The following TAS1R2 variants were observed in gnomAD, a reference collection of about 807,000 sequenced individuals.
TAS1R2 encodes taste receptor type 1 member 2.
Under a neutral mutation model 49.3 loss-of-function variants are expected in TAS1R2, and 47 were observed. That is an observed-to-expected ratio of 0.95 (90% CI 0.75 to 1.22). The LOEUF (loss-of-function observed/expected upper bound fraction) is 1.22. Among genes scored for constraint, TAS1R2 ranks in the 50% most tolerant of loss-of-function variants. The probability of loss-of-function intolerance (pLI) is 0.00; values close to 1 mark genes in which losing one functional copy is unlikely to be tolerated. For synonymous variants in TAS1R2, 479 were observed against 467.9 expected (o/e 1.02, Z -0.31); for missense variants, 1,155 against 1,122.1 (o/e 1.03, Z -0.42).
At chr1:18,855,997 T>G (rs1934132135) in intron 2 of TAS1R2, among the ~76,000 whole-genome samples, 1 of 152,174 alleles carries the variant, frequency 6.6e-6, no homozygotes, top group African/African-American at 2.4e-5. Context: ...ACCTTTCCCC[T>G]ATAGTCTATG....
intron 3 of TAS1R2, among the ~76,000 whole-genome samples, chr1:18,853,317 C>T (rs775197300): frequency 4.6e-5 from 7 of 152,176 alleles, no homozygotes; most frequent in Non-Finnish European, 8.8e-5. Flanking sequence ...TGTAACAGGA[C>T]ATACAGCAAT....
intron 2 of TAS1R2, 138 bp downstream of exon 2, chr1:18,857,193 T>C (rs1007896351): frequency 1.0e-6 from 1 of 977,340 alleles, no homozygotes; most frequent in Admixed American, 2.8e-5. Context: ...TTCTCAAGAT[T>C]TGGGCTGATG....
chr1:18,845,671 G>A (rs1319733462), intron 4 of TAS1R2, among the ~76,000 whole-genome samples: 2 of 152,224 alleles, frequency 1.3e-5, no homozygotes, highest in Non-Finnish European at 2.9e-5. Flanking sequence ...AGCTGAGGTG[G>A]TTGCTACACA....
At position 18,849,699 on chromosome 1, in the gene TAS1R2, T is replaced by G. The variant is rs28701515; in HGVS notation, c.1258-149A>C. 84 of 893,882 alleles carry G rather than the reference T, an allele frequency of 9.4e-5. No homozygotes were observed. The African/African-American group carries it at 1.1e-3, about 12-fold the overall frequency. 55.4% of individuals were successfully genotyped at this position (893,882 alleles called of 1,614,324 possible). A position where few individuals can be genotyped will look rare whatever the true frequency, so the allele number is the denominator to read the frequency against. On this transcript the variant is annotated intron_variant, in intron 3 of 5. Transcript: ENST00000375371. ...AATAAATCTCCGAAAGGGTGGCAAT[T>G]TAGGAGTCAGTGGCTGAGAGCTCTG...
In TAS1R2 at chr1:18,854,945, C is replaced by G; in HGVS notation, c.525G>C (p.Val175=). 4 of 1,607,540 alleles carry G rather than the reference C, an allele frequency of 2.5e-6. No homozygotes were observed. Among genetic ancestry groups the G allele is most frequent in the Non-Finnish European group, 3.4e-6 (4 of 1,174,528 alleles). The change falls in exon 3 of 6, where the codon GTG becomes GTC. Residue 175 remains valine, a synonymous_variant. Transcript: ENST00000375371. This position sits in a 1 kb window ranked among gnomAD's most constrained non-coding sequence, Gnocchi z 4.9. Reference sequence around the variant, plus strand: ...TGGTACGCAGCAAAGCCGGGAAGCGCACCTTGTCTCGCAGCTCATCGCTGA... The same window carrying G: ...TGGTACGCAGCAAAGCCGGGAAGCGGACCTTGTCTCGCAGCTCATCGCTGA...
At chr1:18,843,273 G>C (rs1933859213) in intron 4 of TAS1R2, among the ~76,000 whole-genome samples, 1 of 152,338 alleles carries the variant, frequency 6.6e-6, no homozygotes, top group East Asian at 1.9e-4. Flanking sequence ...TTATATCCAA[G>C]TAAGACCTAT....
At chr1:18,853,757 C>T (rs1420716095) in intron 3 of TAS1R2, among the ~76,000 whole-genome samples, 1 of 152,104 alleles carries the variant, frequency 6.6e-6, no homozygotes, top group Admixed American at 6.6e-5. Flanking sequence ...CAGAAAGCTT[C>T]GTGGTGGGAG....
At chr1:18,848,642 G>C (rs1326881191) in intron 4 of TAS1R2, among the ~76,000 whole-genome samples, 2 of 152,118 alleles carry the variant, frequency 1.3e-5, no homozygotes, top group East Asian at 3.9e-4. Context: ...CCCATCACTT[G>C]ATTACCACCT....
At chr1:18,848,367 T>C (rs1274314184) in intron 4 of TAS1R2, among the ~76,000 whole-genome samples, 2 of 147,430 alleles carry the variant, frequency 1.4e-5, no homozygotes, top group Non-Finnish European at 3.0e-5. Flanking sequence ...AGTGAGTGTT[T>C]ACTTTGCAGA....
chr1:18,841,830 T>G (rs1173700652), exon 5 of TAS1R2: 1 of 1,612,218 alleles, frequency 6.2e-7, no homozygotes, highest in Admixed American at 1.7e-5. Flanking sequence ...CTGGCACCTC[T>G]TGGAACACAT....
intron 3 of TAS1R2, among the ~76,000 whole-genome samples, chr1:18,850,237 A>G (rs1229373033): frequency 1.3e-5 from 2 of 152,126 alleles, no homozygotes; most frequent in African/African-American, 4.8e-5. Flanking sequence ...TTGCTGTGTG[A>G]CTCTGAGCAA....
intron 3 of TAS1R2, among the ~76,000 whole-genome samples, chr1:18,851,828 C>G (rs539057117): frequency 2.0e-5 from 3 of 152,314 alleles, no homozygotes; most frequent in African/African-American, 7.2e-5. Context: ...TACCCCAGCA[C>G]TATTTCATCA....
intron 3 of TAS1R2, among the ~76,000 whole-genome samples, chr1:18,850,447 C>T (rs4076839): frequency 6.6e-6 from 1 of 152,188 alleles, no homozygotes; most frequent in Admixed American, 6.5e-5. Context: ...CTGCCTAGCA[C>T]GTGAGGTCCT....
chr1:18,845,533 A>AG (rs1349835901), intron 4 of TAS1R2, among the ~76,000 whole-genome samples: 3 of 152,218 alleles, frequency 2.0e-5, no homozygotes, highest in African/African-American at 7.2e-5. Flanking sequence ...TGGTCCCCAA[A>AG]GGGGGAATAC....
chr1:18,842,917 TAAAC>T (rs965929116), intron 4 of TAS1R2, among the ~76,000 whole-genome samples: 3 of 152,164 alleles, frequency 2.0e-5, no homozygotes, highest in African/African-American at 7.2e-5. Flanking sequence ...TGCTTAAAAA[TAAAC>T]AAATTGGTAA....
chr1:18,854,709 C>T lies in TAS1R2; in HGVS notation c.761G>A (p.Arg254His), dbSNP rs977653883. 7 of 1,613,300 alleles carry T rather than the reference C, an allele frequency of 4.3e-6. No individual in the cohort carries two copies. Among genetic ancestry groups the T allele is most frequent in the South Asian group, 2.2e-5 (2 of 91,048 alleles). The change falls in exon 3 of 6, where the codon CGC (arginine) becomes CAC (histidine). Residue 254 changes from arginine (R) to histidine (H), a missense_variant. By Grantham distance (29) the Arg-to-His change is conservative. Coordinates refer to ENST00000375371, the Ensembl canonical transcript of TAS1R2. This position sits in a 1 kb window ranked among gnomAD's most constrained non-coding sequence, Gnocchi z 4.9. ...GTCCACAATGGTCACCAGGCGCTGG[C>T]GCTCCTCTGACGTCATGTTCTGGTT...
intron 3 of TAS1R2, among the ~76,000 whole-genome samples, chr1:18,851,287 C>G (rs770120785): frequency 6.6e-6 from 1 of 152,064 alleles, no homozygotes; most frequent in African/African-American, 2.4e-5. Context: ...GAGAAGAGCT[C>G]GCAACCCTGA....
At chr1:18,851,426 T>A (rs1934023076) in intron 3 of TAS1R2, among the ~76,000 whole-genome samples, 1 of 151,732 alleles carries the variant, frequency 6.6e-6, no homozygotes. Flanking sequence ...GTCTCCTGGG[T>A]TCAAGCAATT....
At chr1:18,846,972 C>T (rs1209984725) in intron 4 of TAS1R2, among the ~76,000 whole-genome samples, 1 of 152,170 alleles carries the variant, frequency 6.6e-6, no homozygotes, top group Non-Finnish European at 1.5e-5. Flanking sequence ...ATATCTCCTC[C>T]TTCACTCTCT....
Sources: allele counts gnomAD v4.1 joint callset (sites outside exome capture counted in the v4.1 genomes callset), GRCh38; gene constraint gnomAD v4.1.1; non-coding constraint Gnocchi (gnomAD v3.1); transcripts MANE v1.5; gene names NCBI Gene and HGNC (gene_info 2026-07-23, HGNC 2026-07-21).